Variants in NFIC observed in about 807,000 individuals in gnomAD.
NFIC encodes the protein nuclear factor 1 C-type.
In NFIC, 12 loss-of-function variants were observed where a neutral mutation model predicts 54.4. The ratio of observed to expected loss-of-function variants is 0.22; its 90% CI spans 0.14 to 0.36. The LOEUF (loss-of-function observed/expected upper bound fraction) is 0.36. Ranked by LOEUF, NFIC falls within the 10% of genes least tolerant of loss-of-function variation. The pLI is 1.00. For synonymous variants in NFIC, 322 were observed against 319.2 expected, an observed-to-expected ratio of 1.01 and a Z score of -0.09; for missense variants, 575 against 718.2, an observed-to-expected ratio of 0.80 and a Z score of 2.28.
At chr19:3,406,368 A>G (rs2081648747) in intron 2 of NFIC, among the ~76,000 whole-genome samples, 1 of 124,572 alleles carries the variant, frequency 8.0e-6, no homozygotes, top group Non-Finnish European at 1.8e-5. Context: ...TGCTGGGATT[A>G]CAGGCATGAG....
chr19:3,463,322 A>G lies in NFIC; in HGVS notation c.*553A>G. ...ACCGGCCCCTCAGCCCCCACCGAGGACGCAGCCACTGGGGGGAAAGGGAGA... is the reference window on the plus strand; with the variant it reads ...ACCGGCCCCTCAGCCCCCACCGAGGGCGCAGCCACTGGGGGGAAAGGGAGA... On this transcript the variant is annotated 3_prime_UTR_variant, in exon 11 of 11. Coordinates refer to ENST00000443272, the MANE Select transcript of NFIC (RefSeq NM_001245002.2). 1 of 986,502 alleles carries G rather than the reference A, an allele frequency of 1.0e-6. No homozygotes were observed. The highest frequency in any genetic ancestry group is 1.2e-6 in the Non-Finnish European group (1 of 830,990). 61.1% of individuals were successfully genotyped at this position (986,502 alleles called of 1,614,324 possible).
chr19:3,454,750 ACTCT>A (rs1193891622), intron 9 of NFIC, among the ~76,000 whole-genome samples: 7 of 109,382 alleles, frequency 6.4e-5, no homozygotes, highest in African/African-American at 2.6e-4. Context: ...TCTGTCCCTC[ACTCT>A]CCAAATGAGA....
At chr19:3,450,861 C>A (rs911817555) in intron 7 of NFIC, among the ~76,000 whole-genome samples, 1 of 152,184 alleles carries the variant, frequency 6.6e-6, no homozygotes, top group Non-Finnish European at 1.5e-5. Context: ...AACGCTGGCC[C>A]CCTGGTTGCC....
chr19:3,383,146 C>G (rs2081240437), intron 2 of NFIC, among the ~76,000 whole-genome samples: 1 of 146,196 alleles, frequency 6.8e-6, no homozygotes, highest in Non-Finnish European at 1.5e-5. Context: ...CCGAGGAGAG[C>G]CAAGAGAGTC....
chr19:3,380,838 G>C (rs1251538862), intron 1 of NFIC, among the ~76,000 whole-genome samples: 1 of 151,892 alleles, frequency 6.6e-6, no homozygotes, highest in Non-Finnish European at 1.5e-5. Context: ...TTGTTTTGTA[G>C]CGATGGGGTT....
chr19:3,427,470 G>A (rs190311147), intron 3 of NFIC, among the ~76,000 whole-genome samples: 260 of 152,204 alleles, frequency 1.7e-3, no homozygotes, highest in Non-Finnish European at 3.1e-3. Flanking sequence ...AGGAGAGAGG[G>A]AGGGATGAAG....
chr19:3,459,330 G>A lies in NFIC; in HGVS notation c.1509+2695G>A, dbSNP rs2082607130. Among the ~76,000 whole-genome samples, 2 of 150,308 alleles carry A rather than the reference G, an allele frequency of 1.3e-5. No homozygotes were observed. The highest frequency in any genetic ancestry group is 2.0e-4 in the East Asian group (1 of 5,112). On this transcript the variant is annotated intron_variant, in intron 10 of 10. Coordinates refer to ENST00000443272, the MANE Select transcript of NFIC (RefSeq NM_001245002.2). The surrounding 1 kb of genome is among the most constrained non-coding windows in gnomAD (Gnocchi z 4.2). ...GTTACCCACCCATCGCCCCATGTCC[G>A]TCCCTATCAATCCCCCCACTGTGAG...
intron 2 of NFIC, among the ~76,000 whole-genome samples, chr19:3,392,952 T>G (rs888935606): frequency 9.9e-5 from 15 of 152,180 alleles, no homozygotes; most frequent in Non-Finnish European, 1.8e-4. Flanking sequence ...TTATTTTTTA[T>G]TTTTTGGAGA....
upstream of NFIC, among the ~76,000 whole-genome samples, chr19:3,363,267 A>ATTTTT (rs1213596166): frequency 6.4e-5 from 3 of 47,070 alleles, no homozygotes; most frequent in African/African-American, 2.4e-4. Flanking sequence ...ATATATATAT[A>ATTTTT]TATTTTTTTT....
Position 3,422,238 on chromosome 19 carries a change from G to GT in NFIC, c.563-2861dup, listed in dbSNP as rs1010929644. Among the ~76,000 whole-genome samples the GT allele has an allele frequency of 8.6e-5, 13 of 151,248 alleles. No individual in the cohort carries two copies. The East Asian group carries it at 1.8e-3, about 21-fold the overall frequency. Reference sequence around the variant, plus strand: ...AGGAGTGAGCCACTGCACCTGGACTGTTTTTTTGTATTTTTTGTAAAAACG... The same window carrying GT: ...AGGAGTGAGCCACTGCACCTGGACTGTTTTTTTTGTATTTTTTGTAAAAACG... On this transcript the variant is annotated intron_variant, in intron 2 of 10. Transcript: ENST00000443272.
intron 9 of NFIC, among the ~76,000 whole-genome samples, chr19:3,456,341 A>G (rs2082554594): frequency 6.6e-6 from 1 of 151,982 alleles, no homozygotes; most frequent in Admixed American, 6.5e-5. Context: ...GGGCCCCTCG[A>G]GTCAGGATCC....
At chr19:3,394,522 CACCCCCCA>C (rs1382937366) in intron 2 of NFIC, among the ~76,000 whole-genome samples, 1 of 58,740 alleles carries the variant, frequency 1.7e-5, no homozygotes, top group Non-Finnish European at 2.8e-5. Flanking sequence ...TTTCCCCACC[CACCCCCCA>C]CCCGCTTACA....
At chr19:3,399,517 A>T (rs1362843648) in intron 2 of NFIC, among the ~76,000 whole-genome samples, 3 of 152,154 alleles carry the variant, frequency 2.0e-5, no homozygotes, top group Admixed American at 2.0e-4. Context: ...TTGAGGCTGC[A>T]GTGAGCTGTG....
chr19:3,455,766 T>G lies in NFIC; in HGVS notation c.1424-784T>G, dbSNP rs556995263. Among the ~76,000 whole-genome samples the G allele has an allele frequency of 2.7e-3, 404 of 147,010 alleles. 2 individuals carry two copies. Among genetic ancestry groups the G allele is most frequent in the African/African-American group, 9.5e-3 (382 of 40,320 alleles). ...TTAATAGATGCAGGATGCTGCTTAG[T>G]ATCCACTCAGGGCTCAACGGGATTA... On this transcript the variant is annotated intron_variant, in intron 9 of 10. Coordinates refer to ENST00000443272, the MANE Select transcript of NFIC (RefSeq NM_001245002.2).
rs1176215106 is a variant in NFIC at position 3,467,789 on chromosome 19, A to ATATATATATATATATATATATAT, written c.*5020_*5021insTATATATATATATATATATATAT. The ATATATATATATATATATATATAT allele has an allele frequency of 6.7e-4, 86 of 129,252 alleles. No homozygotes were observed. The highest frequency in any genetic ancestry group is 2.3e-3 in the East Asian group (9 of 3,960). The allele number at this position is 129,252 out of a possible 1,614,324, so 8.0% of individuals were successfully genotyped here. ...TATATATATATATATATATATATAT[A>ATATATATATATATATATATATAT]ATTTTGGAATTTGTTTCTCATAATA... On this transcript the variant is annotated 3_prime_UTR_variant, in exon 11 of 11. Transcript: ENST00000443272.
intron 2 of NFIC, among the ~76,000 whole-genome samples, chr19:3,402,901 G>A (rs908905161): frequency 1.3e-5 from 2 of 152,012 alleles, no homozygotes; most frequent in African/African-American, 2.4e-5. Context: ...AAGAGGGGAG[G>A]GCAGAAAGCG....
At position 3,453,942 on chromosome 19, in the gene NFIC, G is replaced by T. The variant is rs1209080881; in HGVS notation, c.1423+26G>T. 6.7e-6 allele frequency: 10 copies of T among 1,502,860 alleles called. No homozygotes were observed. Among genetic ancestry groups the T allele is most frequent in the Non-Finnish European group, 8.9e-6 (10 of 1,129,014 alleles). The allele number at this position is 1,502,860 out of a possible 1,614,324, so 93.1% of individuals were successfully genotyped here. On this transcript the variant is annotated intron_variant, in intron 9 of 10. Transcript: ENST00000443272. This position sits in a 1 kb window ranked among gnomAD's most constrained non-coding sequence, Gnocchi z 6.7. ...GTAAGCACGCGGGAAGCGGTGCCCT[G>T]GTGGGGCGGATGTCCGCAGGGGGGC... is the stretch of plus-strand genomic sequence containing the variant.
At position 3,433,535 on chromosome 19, in the gene NFIC, G is replaced by A; in HGVS notation, c.652G>A (p.Glu218Lys). ...PITLDTTDFQ[E>K]SFVTSGVFSV... ...TGTTCCAGACACGACCGACTTCCAG[G>A]AGAGCTTTGTCACCTCCGGCGTGTT... Residue 218 changes from glutamate (E) to lysine (K), a missense_variant, in exon 4 of 11, where the codon GAG becomes AAG. By Grantham distance (56) the Glu-to-Lys change is moderately conservative. Transcript: ENST00000443272. The A allele has an allele frequency of 1.2e-6, 2 of 1,613,996 alleles. No homozygotes were observed. Among genetic ancestry groups the A allele is most frequent in the South Asian group, 1.1e-5 (1 of 91,082 alleles).
In NFIC at chr19:3,405,319, C is replaced by T. The variant is rs569625003; in HGVS notation, c.563-19787C>T. On this transcript the variant is annotated intron_variant, in intron 2 of 10. Coordinates refer to ENST00000443272, the MANE Select transcript of NFIC (RefSeq NM_001245002.2). ...CAGATTTTCCTCCCTGTCCCTGGGG[C>T]GGGCGGGGAGTGCGGAGAACATCTA... is the stretch of plus-strand genomic sequence containing the variant. Among the ~76,000 whole-genome samples the T allele has an allele frequency of 2.6e-5, 4 of 152,224 alleles. No individual in the cohort carries two copies. The East Asian group carries it at 5.8e-4, about 22-fold the overall frequency.
Sources: gnomAD v4.1 joint callset for allele counts (sites outside exome capture counted in the v4.1 genomes callset) on GRCh38, gnomAD v4.1.1 for gene constraint, Gnocchi (gnomAD v3.1) non-coding constraint, MANE v1.5 for transcripts, NCBI Gene and HGNC (gene_info 2026-07-23, HGNC 2026-07-21) for gene names.